Variants in IQCJ observed in about 807,000 individuals in gnomAD.
The protein encoded by IQCJ is IQ domain-containing protein J.
A neutral mutation model predicts 11.0 loss-of-function variants in IQCJ; 9 were observed. The observed-to-expected ratio is 0.82, with a 90% CI of 0.49 to 1.43. The LOEUF (loss-of-function observed/expected upper bound fraction) is 1.43. Ranked by LOEUF, IQCJ falls within the 40% of genes most tolerant of loss-of-function variation. The pLI is 0.00. For missense variants in IQCJ, 146 were observed against 133.2 expected (o/e 1.10, Z -0.47); for synonymous variants, 55 against 51.3 (o/e 1.07, Z -0.31).
chr3:159,242,257 T>C (rs1216945534), intron 1 of IQCJ, among the ~76,000 whole-genome samples: 1 of 152,158 alleles, frequency 6.6e-6, no homozygotes, highest in African/African-American at 2.4e-5. Context: ...ATTCCAAAAG[T>C]GATGGAAAAC....
At chr3:159,088,236 A>C (rs1158272694) in intron 1 of IQCJ, among the ~76,000 whole-genome samples, 3 of 152,038 alleles carry the variant, frequency 2.0e-5, no homozygotes, top group African/African-American at 7.2e-5. Flanking sequence ...GTTTTGAGTG[A>C]GATTCTTAAT....
chr3:159,225,222 G>T (rs1476119159), intron 1 of IQCJ, among the ~76,000 whole-genome samples: 2 of 152,128 alleles, frequency 1.3e-5, no homozygotes, highest in Non-Finnish European at 2.9e-5. Flanking sequence ...AATAAAAAAG[G>T]TACTATTCAT....
At chr3:159,226,929 T>A (rs189513903) in intron 1 of IQCJ, among the ~76,000 whole-genome samples, 1 of 152,354 alleles carries the variant, frequency 6.6e-6, no homozygotes, top group Non-Finnish European at 1.5e-5. Context: ...TCCATGTGCA[T>A]GTATGTGTAC....
chr3:159,237,847 T>C (rs558483398), intron 1 of IQCJ, among the ~76,000 whole-genome samples: 6 of 152,320 alleles, frequency 3.9e-5, no homozygotes, highest in African/African-American at 1.2e-4. Context: ...ATAATATGAT[T>C]AATTAATATG....
At chr3:159,241,901 A>G (rs944636178) in intron 1 of IQCJ, among the ~76,000 whole-genome samples, 6 of 152,250 alleles carry the variant, frequency 3.9e-5, no homozygotes, top group Non-Finnish European at 7.3e-5. Context: ...AGCATAAAGC[A>G]TGGTAAATAT....
At chr3:159,095,374 T>G (rs1041618182) in intron 1 of IQCJ, among the ~76,000 whole-genome samples, 9 of 151,352 alleles carry the variant, frequency 5.9e-5, no homozygotes, top group African/African-American at 2.2e-4. Context: ...TTTTATTTTT[T>G]TTATTATACT....
chr3:159,262,443 A>G, intron 3 of IQCJ, 105 bp from the exon 4 acceptor site: 3 of 1,501,048 alleles, frequency 2.0e-6, no homozygotes, highest in Non-Finnish European at 2.7e-6. Flanking sequence ...TTCCCTTGGC[A>G]CCAAAGCCAA....
chr3:159,148,945 A>G (rs778182421), intron 1 of IQCJ, among the ~76,000 whole-genome samples: 1 of 152,182 alleles, frequency 6.6e-6, no homozygotes, highest in Non-Finnish European at 1.5e-5. Context: ...GCATAACATC[A>G]ACAGTATGAT....
At chr3:159,187,631 A>T (rs1227959965) in intron 1 of IQCJ, among the ~76,000 whole-genome samples, 5 of 152,202 alleles carry the variant, frequency 3.3e-5, no homozygotes, top group Non-Finnish European at 5.9e-5. Context: ...GATGGCAGGA[A>T]CCTAGAAGTC....
intron 2 of IQCJ, among the ~76,000 whole-genome samples, chr3:159,246,249 C>T (rs1240984831): frequency 1.3e-5 from 2 of 152,082 alleles, no homozygotes; most frequent in African/African-American, 4.8e-5. Context: ...GCAAAGCTAA[C>T]ACTAAGACTA....
At chr3:159,212,974 CT>C (rs1312502990) in intron 1 of IQCJ, among the ~76,000 whole-genome samples, 1 of 151,838 alleles carries the variant, frequency 6.6e-6, no homozygotes, top group African/African-American at 2.4e-5. Context: ...TTCTTTTTTT[CT>C]TTTTGTTGAT....
At chr3:159,261,514 T>C (rs1728206306) in intron 3 of IQCJ, among the ~76,000 whole-genome samples, 2 of 152,206 alleles carry the variant, frequency 1.3e-5, no homozygotes, top group Admixed American at 1.3e-4. Context: ...GCCGTTCTGT[T>C]GATAGTGAGT....
chr3:159,166,460 T>G (rs531726218), intron 1 of IQCJ, among the ~76,000 whole-genome samples: 51 of 152,300 alleles, frequency 3.3e-4, no homozygotes, highest in Admixed American at 7.2e-4. Context: ...TCTTTGGAGT[T>G]AAAATTATGT....
chr3:159,163,708 A>T (rs367713460), intron 1 of IQCJ, among the ~76,000 whole-genome samples: 1 of 152,156 alleles, frequency 6.6e-6, no homozygotes, highest in Non-Finnish European at 1.5e-5. Context: ...TAACAATCCT[A>T]GAAAGTAGGA....
intron 1 of IQCJ, among the ~76,000 whole-genome samples, chr3:159,231,861 G>A (rs1323282010): frequency 6.6e-6 from 1 of 152,136 alleles, no homozygotes; most frequent in Admixed American, 6.5e-5. Context: ...AGTCTTGGGA[G>A]GGTGTATGTG....
At chr3:159,182,310 C>T (rs2108018016) in intron 1 of IQCJ, among the ~76,000 whole-genome samples, 1 of 152,056 alleles carries the variant, frequency 6.6e-6, no homozygotes, top group South Asian at 2.1e-4. Flanking sequence ...GTTTTCAAGC[C>T]TGTCTCTTTC....
At chr3:159,189,386 G>C (rs78069353) in intron 1 of IQCJ, among the ~76,000 whole-genome samples, 3 of 152,082 alleles carry the variant, frequency 2.0e-5, no homozygotes, top group Non-Finnish European at 4.4e-5. Flanking sequence ...ACAAATCAAC[G>C]TTTAGTCCTT....
intron 1 of IQCJ, among the ~76,000 whole-genome samples, chr3:159,245,459 T>TC: frequency 1.1e-5 from 1 of 89,824 alleles, no homozygotes; most frequent in Non-Finnish European, 2.4e-5. Flanking sequence ...TCCTGAATTC[T>TC]TTTTTTTTTT....
At chr3:159,125,289 A>G (rs142787755) in intron 1 of IQCJ, among the ~76,000 whole-genome samples, 1 of 152,334 alleles carries the variant, frequency 6.6e-6, no homozygotes, top group East Asian at 1.9e-4. Flanking sequence ...CTCAAAACTA[A>G]CAAGGTCATC....
Sources: gnomAD v4.1 joint callset for allele counts (sites outside exome capture counted in the v4.1 genomes callset) on GRCh38, gnomAD v4.1.1 for gene constraint, MANE v1.5 for transcripts, NCBI Gene and HGNC (gene_info 2026-07-23, HGNC 2026-07-21) for gene names.